The following MYO3B variants were observed in gnomAD, a reference collection of about 807,000 sequenced individuals.
MYO3B encodes myosin-IIIb.
A neutral mutation model predicts 174.6 loss-of-function variants in MYO3B; 156 were observed. That is an observed-to-expected ratio of 0.89 (90% CI 0.78 to 1.02). The LOEUF (loss-of-function observed/expected upper bound fraction) is 1.02, where lower values mean the gene tolerates loss of function less well. Among genes scored for constraint, MYO3B ranks in the 50% least tolerant of loss-of-function variants. The pLI is 0.00. For missense variants in MYO3B, 1,632 were observed against 1,639.4 expected, an observed-to-expected ratio of 1.00 and a Z score of 0.08; for synonymous variants, 563 against 569.1, an observed-to-expected ratio of 0.99 and a Z score of 0.15.
intron 32 of MYO3B, among the ~76,000 whole-genome samples, chr2:170,624,598 C>G (rs1049200215): frequency 6.6e-6 from 1 of 152,146 alleles, no homozygotes; most frequent in African/African-American, 2.4e-5. Context: ...ACTTCCAACA[C>G]TATGTTGGAT....
At chr2:170,283,551 C>G (rs1011103707) in intron 7 of MYO3B, among the ~76,000 whole-genome samples, 1 of 152,170 alleles carries the variant, frequency 6.6e-6, no homozygotes, top group Non-Finnish European at 1.5e-5. Context: ...AGAATATCTC[C>G]TTTTGCTCTT....
At position 170,282,778 on chromosome 2, in the gene MYO3B, A is replaced by T. The variant is rs10930416; in HGVS notation, c.749+46642A>T. Among the ~76,000 whole-genome samples, 10 of 152,102 alleles carry T rather than the reference A, an allele frequency of 6.6e-5. No homozygotes were observed. In the East Asian group the frequency reaches 1.9e-3, roughly 29 times the overall value. ...GAGTGGGTGCAGTAGCAGTGCAGTG[A>T]GTGGGGAAAGCCTATTCTTAAAGTG... On this transcript the variant is annotated intron_variant, in intron 7 of 34. Transcript: ENST00000408978.
Position 170,530,356 on chromosome 2 carries a change from T to G in MYO3B, c.3575+10816T>G, listed in dbSNP as rs574276323. On this transcript the variant is annotated intron_variant, in intron 30 of 34. Transcript: ENST00000408978. The stretch of plus-strand genomic sequence containing the variant: ...GTGGGAGTGGCCTTCCTCGCTCTGA[T>G]CCAGACCCTCCCGGGAGAGCTCTTT... Among the ~76,000 whole-genome samples, 15 of 152,312 alleles carry G rather than the reference T, an allele frequency of 9.8e-5. No homozygotes were observed. In the South Asian group the frequency reaches 2.7e-3, roughly 27 times the overall value.
At chr2:170,363,617 T>G (rs916105904) in intron 8 of MYO3B, among the ~76,000 whole-genome samples, 5 of 152,196 alleles carry the variant, frequency 3.3e-5, no homozygotes, top group African/African-American at 1.2e-4. Flanking sequence ...ACAACCTGTG[T>G]TTAATGTGGT....
intron 22 of MYO3B, among the ~76,000 whole-genome samples, chr2:170,443,482 T>G (rs1233508950): frequency 2.0e-5 from 3 of 152,204 alleles, no homozygotes; most frequent in East Asian, 1.9e-4. Context: ...CTGTGCAGAA[T>G]CTCTTTAGTT....
At chr2:170,412,112 T>A (rs1210634799) in intron 22 of MYO3B, 3 of 152,228 alleles carry the variant, frequency 2.0e-5, no homozygotes, top group Admixed American at 6.5e-5. Flanking sequence ...TCAAACTGAA[T>A]GATCTAGATA....
At chr2:170,539,029 G>A (rs1435775282) in intron 30 of MYO3B, among the ~76,000 whole-genome samples, 1 of 152,170 alleles carries the variant, frequency 6.6e-6, no homozygotes, top group African/African-American at 2.4e-5. Context: ...CCAATTCATA[G>A]TCAAAATTTC....
At chr2:170,311,237 G>A (rs2093737242) in intron 7 of MYO3B, among the ~76,000 whole-genome samples, 1 of 152,028 alleles carries the variant, frequency 6.6e-6, no homozygotes, top group African/African-American at 2.4e-5. Context: ...ATCCCTACCA[G>A]CAATGTATGG....
intron 13 of MYO3B, among the ~76,000 whole-genome samples, chr2:170,386,891 A>T (rs145987609): frequency 9.8e-5 from 15 of 152,370 alleles, no homozygotes; most frequent in Non-Finnish European, 1.9e-4. Flanking sequence ...GGATTTTTAA[A>T]ACTGCTGTCC....
intron 22 of MYO3B, among the ~76,000 whole-genome samples, chr2:170,439,784 C>T (rs1453773109): frequency 6.6e-6 from 1 of 152,064 alleles, no homozygotes; most frequent in Non-Finnish European, 1.5e-5. Context: ...AGGTTCACAC[C>T]ATTCTCCTGC....
chr2:170,472,595 A>T (rs1209296302), intron 25 of MYO3B, among the ~76,000 whole-genome samples: 1 of 152,156 alleles, frequency 6.6e-6, no homozygotes, highest in Non-Finnish European at 1.5e-5. Flanking sequence ...CACTTACTAC[A>T]TTGTAGAGCA....
intron 25 of MYO3B, among the ~76,000 whole-genome samples, chr2:170,480,021 C>G (rs1685583332): frequency 8.8e-6 from 1 of 114,252 alleles, no homozygotes; most frequent in East Asian, 2.3e-4. Flanking sequence ...TATATTAAAC[C>G]TATATATATG....
At chr2:170,606,786 C>T (rs970226274) in intron 32 of MYO3B, among the ~76,000 whole-genome samples, 1 of 152,072 alleles carries the variant, frequency 6.6e-6, no homozygotes, top group Non-Finnish European at 1.5e-5. Context: ...TTTAGGAGGC[C>T]GAGGAGGGCA....
chr2:170,585,060 T>C (rs1559137270), intron 32 of MYO3B, among the ~76,000 whole-genome samples: 2 of 152,236 alleles, frequency 1.3e-5, no homozygotes, highest in South Asian at 2.1e-4. Flanking sequence ...ATTGATCTGC[T>C]GGAGTCCCAC....
chr2:170,626,156 T>C (rs1404384021), intron 32 of MYO3B, among the ~76,000 whole-genome samples: 2 of 152,210 alleles, frequency 1.3e-5, no homozygotes, highest in Admixed American at 6.5e-5. Context: ...CCGTGGGGTG[T>C]TGAAGTCTCC....
chr2:170,231,881 T>C (rs892732012), intron 6 of MYO3B, among the ~76,000 whole-genome samples: 2 of 152,224 alleles, frequency 1.3e-5, no homozygotes, highest in Non-Finnish European at 2.9e-5. Flanking sequence ...CTAGAAGGGA[T>C]CGTATAGGTT....
At position 170,653,608 on chromosome 2, in the gene MYO3B, AG is replaced by A; in HGVS notation, c.*488del. 6.4e-6 allele frequency: 1 copy of A among 157,478 alleles called. No individual in the cohort carries two copies. The highest frequency in any genetic ancestry group is 1.9e-4 in the South Asian group (1 of 5,214). The allele number at this position is 157,478 out of a possible 1,614,324, so 9.8% of individuals were successfully genotyped here. A position where few individuals can be genotyped will look rare whatever the true frequency, so the allele number is the denominator to read the frequency against. On this transcript the variant is annotated 3_prime_UTR_variant, in exon 35 of 35. Coordinates refer to ENST00000408978, the MANE Select transcript of MYO3B (RefSeq NM_138995.5). ...TTTCTATCACTCCCACCTCCCCCAGAGTCAGGGCTCCATTGCTGAGTGCCCC... is the reference window on the plus strand; with the variant it reads ...TTTCTATCACTCCCACCTCCCCCAGATCAGGGCTCCATTGCTGAGTGCCCC...
intron 7 of MYO3B, among the ~76,000 whole-genome samples, chr2:170,252,482 G>T (rs572885118): frequency 7.2e-5 from 11 of 152,254 alleles, no homozygotes; most frequent in Non-Finnish European, 1.5e-4. Context: ...ACTTACACAT[G>T]GACTATAAGT....
At chr2:170,404,118 A>G (rs2094495591) in intron 19 of MYO3B, 129 bp from the exon 20 acceptor site, 1 of 907,186 alleles carries the variant, frequency 1.1e-6, no homozygotes, top group Non-Finnish European at 1.7e-6. Context: ...CCTTTATTAT[A>G]CACATAAAAC....
Sources: gnomAD v4.1 joint callset for allele counts (sites outside exome capture counted in the v4.1 genomes callset) on GRCh38, gnomAD v4.1.1 for gene constraint, MANE v1.5 for transcripts, NCBI Gene and HGNC (gene_info 2026-07-23, HGNC 2026-07-21) for gene names.